SMIM10L3: variants seen among roughly 807,000 people sequenced by gnomAD.
SMIM10L3 encodes the protein salivary gland specific protein SAGSIN1.
chr7:6,331,136 G>A, the SMIM10L3 span: 15 of 1,612,706 alleles, frequency 9.3e-6, no homozygotes, highest in Non-Finnish European at 1.3e-5. Flanking sequence ...GTGCCGAGGG[G>A]CCCTCTTCTG....
At chr7:6,344,507 C>T in the SMIM10L3 span, among the ~76,000 whole-genome samples, 1 of 152,056 alleles carries the variant, frequency 6.6e-6, no homozygotes, top group East Asian at 1.9e-4. Flanking sequence ...ACTGCCTCCT[C>T]GACCTTCTGG....
At chr7:6,348,811 G>A in the SMIM10L3 span, 1 of 395,388 alleles carries the variant, frequency 2.5e-6, no homozygotes, top group Non-Finnish European at 4.5e-6. Flanking sequence ...GCGCCGCGTC[G>A]CCCCGGCAGC....
At chr7:6,340,713 C>A in the SMIM10L3 span, among the ~76,000 whole-genome samples, 6 of 151,936 alleles carry the variant, frequency 3.9e-5, no homozygotes, top group South Asian at 6.2e-4. Context: ...TCCTGGCTAA[C>A]ACGGTAAAAC....
the SMIM10L3 span, among the ~76,000 whole-genome samples, chr7:6,347,103 G>T: frequency 1.1e-3 from 166 of 152,290 alleles, no homozygotes; most frequent in African/African-American, 3.8e-3. Flanking sequence ...AAGGCAGGAG[G>T]ATCACTTGAG....
At chr7:6,341,353 G>A in the SMIM10L3 span, among the ~76,000 whole-genome samples, 1 of 150,878 alleles carries the variant, frequency 6.6e-6, no homozygotes, top group African/African-American at 2.4e-5. Context: ...TGAGGCAGGA[G>A]AATGGTGTGA....
chr7:6,348,868 A>ACCGGCGGG, the SMIM10L3 span: 1 of 386,086 alleles, frequency 2.6e-6, no homozygotes, highest in African/African-American at 2.1e-5. Context: ...CGGCGGCTAG[A>ACCGGCGGG]CCGGCGGGCG....
the SMIM10L3 span, among the ~76,000 whole-genome samples, chr7:6,332,979 T>A: frequency 2.0e-5 from 3 of 151,566 alleles, no homozygotes; most frequent in African/African-American, 7.3e-5. Context: ...GTCAACATGG[T>A]GAAACCCTGT....
the SMIM10L3 span, among the ~76,000 whole-genome samples, chr7:6,343,785 C>A: frequency 1.7e-4 from 26 of 152,082 alleles, no homozygotes; most frequent in Non-Finnish European, 5.9e-5. Context: ...GCCCTACAAA[C>A]TAGAGATCTA....
chr7:6,341,302 G>C, the SMIM10L3 span, among the ~76,000 whole-genome samples: 1 of 151,526 alleles, frequency 6.6e-6, no homozygotes, highest in Non-Finnish European at 1.5e-5. Context: ...AATTGGCTGG[G>C]CCTGGTGGCG....
chr7:6,333,168 C>CAAAAAAAAAAAAACA, the SMIM10L3 span, among the ~76,000 whole-genome samples: 2 of 127,992 alleles, frequency 1.6e-5, no homozygotes, highest in Non-Finnish European at 3.5e-5. Context: ...ATAAAAAAAT[C>CAAAAAAAAAAAAACA]AAAAAAAAAA....
the SMIM10L3 span, chr7:6,330,627 G>C: frequency 1.2e-6 from 2 of 1,614,104 alleles, no homozygotes; most frequent in East Asian, 4.5e-5. Flanking sequence ...CCAGACCCTT[G>C]GGAAAAGCAC....
At chr7:6,329,959 T>A in the SMIM10L3 span, 1 of 176,998 alleles carries the variant, frequency 5.6e-6, no homozygotes, top group Non-Finnish European at 1.3e-5. Context: ...TCAGCAAGAT[T>A]TAACGCCAAG....
the SMIM10L3 span, among the ~76,000 whole-genome samples, chr7:6,342,310 C>T: frequency 1.3e-5 from 2 of 151,806 alleles, no homozygotes; most frequent in African/African-American, 2.4e-5. Flanking sequence ...TCTGGGAGGC[C>T]GAGGCAGGTG....
chr7:6,339,553 A>G, the SMIM10L3 span, among the ~76,000 whole-genome samples: 15,685 of 150,612 alleles, frequency 0.1, 1,023 homozygotes, highest in Admixed American at 0.23. Context: ...GAGCAATCTC[A>G]GCTCACTGCA....
At chr7:6,330,405 A>G in the SMIM10L3 span, 1 of 1,613,428 alleles carries the variant, frequency 6.2e-7, no homozygotes, top group Non-Finnish European at 8.5e-7. Flanking sequence ...TTGCTAATTC[A>G]AAAGGTTGCA....
At chr7:6,342,989 A>G in the SMIM10L3 span, among the ~76,000 whole-genome samples, 2 of 151,704 alleles carry the variant, frequency 1.3e-5, no homozygotes, top group African/African-American at 2.4e-5. Flanking sequence ...GTGAGCTATG[A>G]TCGCACCACT....
At chr7:6,348,684 G>A in the SMIM10L3 span, 1 of 483,556 alleles carries the variant, frequency 2.1e-6, no homozygotes, top group South Asian at 3.5e-5. Flanking sequence ...TCAGCCCCTT[G>A]CAGAAGACCC....
the SMIM10L3 span, among the ~76,000 whole-genome samples, chr7:6,345,583 A>G: frequency 2.0e-5 from 3 of 152,092 alleles, no homozygotes; most frequent in Non-Finnish European, 2.9e-5. Flanking sequence ...GAGCATACCA[A>G]TTTTCACCAA....
chr7:6,334,089 G>A, the SMIM10L3 span, among the ~76,000 whole-genome samples: 74 of 150,990 alleles, frequency 4.9e-4, no homozygotes, highest in Admixed American at 7.9e-4. Context: ...CTCGTGATCC[G>A]CCCACCTTGG....
Sources: gnomAD v4.1 joint callset for allele counts (sites outside exome capture counted in the v4.1 genomes callset) on GRCh38, gnomAD v4.1.1 for gene constraint, MANE v1.5 for transcripts, NCBI Gene and HGNC (gene_info 2026-07-23, HGNC 2026-07-21) for gene names.